Variants in EIPR1 observed in about 807,000 individuals in gnomAD.
EIPR1 encodes the protein EARP complex and GARP complex interacting protein 1.
In EIPR1, 25 loss-of-function variants were observed where a neutral mutation model predicts 48.1. The ratio of observed to expected loss-of-function variants is 0.52; its 90% CI spans 0.38 to 0.73. The LOEUF (loss-of-function observed/expected upper bound fraction) is 0.73, where lower values mean the gene tolerates loss of function less well. Among genes scored for constraint, EIPR1 ranks in the 30% least tolerant of loss-of-function variants. EIPR1 has a pLI of 0.00. For synonymous variants in EIPR1, 204 were observed against 201.9 expected (o/e 1.01, Z -0.09); for missense variants, 415 against 506.2 (o/e 0.82, Z 1.73).
chr2:3,323,336 T>C (rs964294871), intron 3 of EIPR1, among the ~76,000 whole-genome samples: 10 of 152,172 alleles, frequency 6.6e-5, no homozygotes, highest in East Asian at 3.9e-4. Flanking sequence ...GGTATCTGCC[T>C]GAAAGGTTTG....
chr2:3,288,122 AG>A (rs1668263164), intron 3 of EIPR1, among the ~76,000 whole-genome samples: 1 of 152,096 alleles, frequency 6.6e-6, no homozygotes, highest in Admixed American at 6.5e-5. Context: ...GGCAGATGAG[AG>A]CAGCGGGTGG....
intron 4 of EIPR1, among the ~76,000 whole-genome samples, chr2:3,230,423 C>G (rs925180113): frequency 1.3e-5 from 2 of 152,132 alleles, no homozygotes; most frequent in African/African-American, 4.8e-5. Context: ...CTTTTCCCAT[C>G]GGGGATGCTG....
intron 4 of EIPR1, 108 bp downstream of exon 4, chr2:3,257,191 G>C (rs1558255337): frequency 8.2e-7 from 1 of 1,222,162 alleles, no homozygotes; most frequent in Non-Finnish European, 1.1e-6. Flanking sequence ...AAAGAAAGGA[G>C]CGTTTCCGAG....
chr2:3,360,415 A>G (rs12474680), intron 1 of EIPR1, among the ~76,000 whole-genome samples: 24,785 of 150,052 alleles, frequency 0.17, 2,254 homozygotes, highest in Non-Finnish European at 0.2. Context: ...AAAAAAAAAA[A>G]AAAGAAAGAA....
chr2:3,350,327 C>G (rs887567825), intron 2 of EIPR1, among the ~76,000 whole-genome samples: 1 of 151,996 alleles, frequency 6.6e-6, no homozygotes, highest in Non-Finnish European at 1.5e-5. Flanking sequence ...TGTGCCACAC[C>G]CTTTCAAACA....
At chr2:3,376,860 C>G (rs1020282492) in intron 1 of EIPR1, among the ~76,000 whole-genome samples, 2 of 152,140 alleles carry the variant, frequency 1.3e-5, no homozygotes, top group Non-Finnish European at 2.9e-5. Context: ...AGATGAAAAC[C>G]AGGACAGGGC....
At chr2:3,290,716 C>T (rs1003185754) in intron 3 of EIPR1, among the ~76,000 whole-genome samples, 1 of 152,168 alleles carries the variant, frequency 6.6e-6, no homozygotes, top group South Asian at 2.1e-4. Context: ...CACAGGCAGC[C>T]GTGCCTGACC....
At chr2:3,340,002 C>T (rs1326862143) in intron 2 of EIPR1, among the ~76,000 whole-genome samples, 1 of 152,210 alleles carries the variant, frequency 6.6e-6, no homozygotes, top group Non-Finnish European at 1.5e-5. Flanking sequence ...GCTCCTGCTT[C>T]GGCCATGTGA....
chr2:3,194,271 C>T (rs1317453366), intron 6 of EIPR1, 105 bp from the exon 7 acceptor site: 12 of 1,427,328 alleles, frequency 8.4e-6, no homozygotes, highest in African/African-American at 2.8e-5. Flanking sequence ...TCTAATCCCC[C>T]GGCCCAGGGT....
intron 1 of EIPR1, among the ~76,000 whole-genome samples, chr2:3,370,292 A>G (rs1249422252): frequency 6.6e-6 from 1 of 152,208 alleles, no homozygotes; most frequent in Admixed American, 6.5e-5. Flanking sequence ...TGGGGAAAAA[A>G]CAGAGCAGAA....
intron 5 of EIPR1, chr2:3,208,801 C>G (rs1042522371): frequency 1.3e-6 from 2 of 1,548,400 alleles, no homozygotes; most frequent in Non-Finnish European, 8.7e-7. Flanking sequence ...GTGGCAGGTC[C>G]TCCTTCTGTG....
At chr2:3,214,005 C>A in intron 5 of EIPR1, 144 bp downstream of exon 5, 1 of 651,482 alleles carries the variant, frequency 1.5e-6, no homozygotes, top group Non-Finnish European at 2.6e-6. Context: ...CCCGCTCCCC[C>A]AACCCCACGA....
intron 3 of EIPR1, among the ~76,000 whole-genome samples, chr2:3,306,649 G>A (rs1175816185): frequency 6.6e-6 from 1 of 152,182 alleles, no homozygotes; most frequent in African/African-American, 2.4e-5. Flanking sequence ...AACATTTTTA[G>A]GAAGATCATA....
intron 3 of EIPR1, among the ~76,000 whole-genome samples, chr2:3,284,617 C>A (rs1385389881): frequency 6.6e-6 from 1 of 152,272 alleles, no homozygotes; most frequent in East Asian, 1.9e-4. Flanking sequence ...TAATGTCACT[C>A]CACAAAGCAG....
intron 2 of EIPR1, among the ~76,000 whole-genome samples, chr2:3,348,650 C>A (rs1471344997): frequency 6.6e-6 from 1 of 152,246 alleles, no homozygotes; most frequent in African/African-American, 2.4e-5. Flanking sequence ...AAGTCAGCAA[C>A]TGTGACAGTC....
At chr2:3,216,131 G>T (rs1219291220) in intron 4 of EIPR1, among the ~76,000 whole-genome samples, 1 of 152,142 alleles carries the variant, frequency 6.6e-6, no homozygotes, top group Non-Finnish European at 1.5e-5. Flanking sequence ...GTAGAGTTCG[G>T]ACAGCTTGAT....
At chr2:3,243,446 G>A (rs746772050) in intron 4 of EIPR1, among the ~76,000 whole-genome samples, 7 of 151,962 alleles carry the variant, frequency 4.6e-5, no homozygotes, top group Non-Finnish European at 8.8e-5. Flanking sequence ...CCCAGCCAAC[G>A]TGGTAAAACC....
chr2:3,233,001 G>A (rs1017404732), intron 4 of EIPR1, among the ~76,000 whole-genome samples: 1 of 152,112 alleles, frequency 6.6e-6, no homozygotes, highest in African/African-American at 2.4e-5. Context: ...CACTGTAAAC[G>A]CAAAGTCATA....
chr2:3,198,232 C>T (rs1327925347), intron 5 of EIPR1, among the ~76,000 whole-genome samples: 1 of 152,174 alleles, frequency 6.6e-6, no homozygotes, highest in African/African-American at 2.4e-5. Flanking sequence ...CTCCTGGTGT[C>T]TCCCAGCAAG....
Sources: gnomAD v4.1 joint callset for allele counts (sites outside exome capture counted in the v4.1 genomes callset) on GRCh38, gnomAD v4.1.1 for gene constraint, MANE v1.5 for transcripts, NCBI Gene and HGNC (gene_info 2026-07-23, HGNC 2026-07-21) for gene names.